Variants in SPAG9 observed in about 807,000 individuals in gnomAD.
SPAG9 encodes the protein sperm associated antigen 9, also known as C-Jun-amino-terminal kinase-interacting protein 4.
In SPAG9, 35 loss-of-function variants were observed where a neutral mutation model predicts 166.5. The ratio of observed to expected loss-of-function variants is 0.21; its 90% CI spans 0.16 to 0.28. SPAG9 has a LOEUF of 0.28. Among genes scored for constraint, SPAG9 ranks in the 10% least tolerant of loss-of-function variants. The pLI is 1.00. For missense variants in SPAG9, 1,235 were observed against 1,603.3 expected (o/e 0.77, Z 3.92); for synonymous variants, 534 against 565.5 (o/e 0.94, Z 0.79).
chr17:50,990,701 A>C lies in SPAG9; in HGVS notation c.2399-33T>G, dbSNP rs1327182305. ...ATAAATCTTCTTGTAACAGCAAAGTAAACTTCTATAAATAACATTTTTTTT... is the reference window on the plus strand; with the variant it reads ...ATAAATCTTCTTGTAACAGCAAAGTCAACTTCTATAAATAACATTTTTTTT... On this transcript the variant is annotated intron_variant, in intron 19 of 29. Coordinates refer to ENST00000262013, the MANE Select transcript of SPAG9 (RefSeq NM_001130528.3). 1.9e-6 allele frequency: 3 copies of C among 1,540,490 alleles called. No homozygotes were observed. The South Asian group carries it at 3.4e-5, about 17-fold the overall frequency.
chr17:51,096,008 T>TATATATATAGTGATATATATATATAGTG (rs1568084060), intron 1 of SPAG9, among the ~76,000 whole-genome samples: 3 of 71,612 alleles, frequency 4.2e-5, no homozygotes, highest in Non-Finnish European at 5.8e-5. Context: ...TATATAGTGA[T>TATATATATAGTGATATATATATATAGTG]ATATATATAT....
chr17:51,082,879 G>C (rs893066121), intron 1 of SPAG9, among the ~76,000 whole-genome samples: 9 of 152,106 alleles, frequency 5.9e-5, no homozygotes, highest in African/African-American at 9.7e-5. Context: ...TTCATGCTAA[G>C]TATATTCAGT....
At chr17:51,034,916 CAACT>C (rs1376989570) in intron 5 of SPAG9, among the ~76,000 whole-genome samples, 5 of 152,076 alleles carry the variant, frequency 3.3e-5, no homozygotes, top group African/African-American at 1.2e-4. Flanking sequence ...TTCTACAAAA[CAACT>C]AACCAGTACT....
At chr17:50,982,791 T>G (rs547364331) in intron 24 of SPAG9, 119 bp from the exon 25 acceptor site, 1 of 875,766 alleles carries the variant, frequency 1.1e-6, no homozygotes, top group South Asian at 1.9e-5. Context: ...AAGTACCATG[T>G]ACTAAGTATA....
At chr17:51,089,446 A>C (rs2048389159) in intron 1 of SPAG9, among the ~76,000 whole-genome samples, 1 of 150,894 alleles carries the variant, frequency 6.6e-6, no homozygotes, top group African/African-American at 2.4e-5. Flanking sequence ...AAAACAAACA[A>C]ACAAAAAAGA....
chr17:51,053,849 A>T (rs867391559), intron 3 of SPAG9, among the ~76,000 whole-genome samples: 40 of 69,714 alleles, frequency 5.7e-4, no homozygotes, highest in African/African-American at 2.1e-3. Flanking sequence ...AAAAAAAAAA[A>T]AAAAAGTATA....
chr17:51,083,379 T>G (rs1019926536), intron 1 of SPAG9, among the ~76,000 whole-genome samples: 11 of 151,410 alleles, frequency 7.3e-5, no homozygotes, highest in Non-Finnish European at 1.6e-4. Flanking sequence ...GGATTACAGG[T>G]GCCTGCCACC....
At chr17:51,029,672 AAC>A (rs1231140522) in intron 6 of SPAG9, among the ~76,000 whole-genome samples, 1 of 152,258 alleles carries the variant, frequency 6.6e-6, no homozygotes, top group Non-Finnish European at 1.5e-5. Flanking sequence ...CAAAAAGACA[AAC>A]ACTACATAAT....
At chr17:51,040,355 G>A (rs936161376) in intron 5 of SPAG9, 1 of 151,958 alleles carries the variant, frequency 6.6e-6, no homozygotes, top group African/African-American at 2.4e-5. Context: ...AGGGAGAAAA[G>A]GTAAGGTAAC....
chr17:51,049,207 T>C (rs1409553831), intron 3 of SPAG9, among the ~76,000 whole-genome samples: 4 of 151,526 alleles, frequency 2.6e-5, no homozygotes, highest in Middle Eastern at 3.4e-3. Flanking sequence ...ACACCAGCTC[T>C]AGAAAAAAAA....
rs1189570770 is a variant in SPAG9, at chr17:51,077,053, G to GCTAGCTATCTAGCTAGCTAT, written c.424+2511_424+2530dup. 1.2e-3 allele frequency among the ~76,000 whole-genome samples: 137 copies of GCTAGCTATCTAGCTAGCTAT among 113,218 alleles called. 5 individuals are homozygous for GCTAGCTATCTAGCTAGCTAT. Among genetic ancestry groups the GCTAGCTATCTAGCTAGCTAT allele is most frequent in the Middle Eastern group, 4.2e-3 (1 of 236 alleles). The allele number at this position is 113,218 out of a possible 152,430, so 74.3% of individuals were successfully genotyped here. A position where few individuals can be genotyped will look rare whatever the true frequency, so the allele number is the denominator to read the frequency against. ...ATCTATCTAGCTATCTAGCTATCTA[G>GCTAGCTATCTAGCTAGCTAT]CTAGCTATCTAGCTAGCTATCTAGC... On this transcript the variant is annotated intron_variant, in intron 2 of 29. Coordinates refer to ENST00000262013, the MANE Select transcript of SPAG9 (RefSeq NM_001130528.3).
Position 50,966,116 on chromosome 17 carries a change from G to A in SPAG9, c.*156C>T, listed in dbSNP as rs1452513771. 1 of 636,984 alleles carries A rather than the reference G, an allele frequency of 1.6e-6. No individual in the cohort carries two copies. The highest frequency in any genetic ancestry group is 1.8e-5 in the African/African-American group (1 of 55,204). The allele number at this position is 636,984 out of a possible 1,614,324, so 39.5% of individuals were successfully genotyped here. ...CAGCTAGTTCCTCTGTATTGTTATG[G>A]TAGAACGGATTTTGTAATATAAAGT... On this transcript the variant is annotated 3_prime_UTR_variant, in exon 30 of 30. Transcript: ENST00000262013.
chr17:51,077,057 G>GCTATCTAGCTATCTAGCTAGCTAT (rs2048022462), intron 2 of SPAG9, among the ~76,000 whole-genome samples: 2 of 126,884 alleles, frequency 1.6e-5, no homozygotes, highest in African/African-American at 2.9e-5. Flanking sequence ...TATCTAGCTA[G>GCTATCTAGCTATCTAGCTAGCTAT]CTATCTAGCT....
chr17:51,049,491 C>T (rs1339501780), intron 3 of SPAG9, among the ~76,000 whole-genome samples: 1 of 151,910 alleles, frequency 6.6e-6, no homozygotes, highest in African/African-American at 2.4e-5. Context: ...ACCTGAGCAA[C>T]ACAGGGAGAC....
chr17:51,050,433 C>A (rs1288083551), intron 3 of SPAG9, among the ~76,000 whole-genome samples: 1 of 152,214 alleles, frequency 6.6e-6, no homozygotes, highest in Non-Finnish European at 1.5e-5. Flanking sequence ...CAATGACTAA[C>A]TTTTCAAGTT....
At chr17:51,023,463 G>A in intron 6 of SPAG9, 1 of 169,170 alleles carries the variant, frequency 5.9e-6, no homozygotes, top group Non-Finnish European at 1.3e-5. Context: ...ACAAATAGAA[G>A]TAATTTAAAA....
chr17:51,120,548 G>T lies in SPAG9; in HGVS notation c.109C>A (p.Arg37=). 6.2e-7 allele frequency: 1 copy of T among 1,613,786 alleles called. No individual in the cohort carries two copies. The highest frequency in any genetic ancestry group is 8.5e-7 in the Non-Finnish European group (1 of 1,179,838). ...LAGSIYREFE[R]LIGRYDEEVV... Reference sequence around the variant, plus strand: ...TCCTCGTCATAGCGCCCGATAAGCCGCTCGAACTCGCGGTAGATGGAGCCG... The same window carrying T: ...TCCTCGTCATAGCGCCCGATAAGCCTCTCGAACTCGCGGTAGATGGAGCCG... Residue 37 remains arginine, a synonymous_variant, in exon 1 of 30, where the codon CGG becomes AGG. Coordinates refer to ENST00000262013, the MANE Select transcript of SPAG9 (RefSeq NM_001130528.3). This position sits in a 1 kb window ranked among gnomAD's most constrained non-coding sequence, Gnocchi z 4.7.
intron 6 of SPAG9, among the ~76,000 whole-genome samples, chr17:51,023,827 A>G (rs1263779950): frequency 1.3e-5 from 2 of 151,948 alleles, no homozygotes; most frequent in African/African-American, 2.4e-5. Flanking sequence ...ACCATGCCCC[A>G]CTAATTTTTT....
chr17:51,092,015 G>T (rs530881339), intron 1 of SPAG9, among the ~76,000 whole-genome samples: 3 of 149,570 alleles, frequency 2.0e-5, no homozygotes, highest in African/African-American at 2.5e-5. Context: ...TTCCCTAAAG[G>T]TTGTTGCTTG....
Sources: allele counts gnomAD v4.1 joint callset (sites outside exome capture counted in the v4.1 genomes callset), GRCh38; gene constraint gnomAD v4.1.1; non-coding constraint Gnocchi (gnomAD v3.1); transcripts MANE v1.5; gene names NCBI Gene and HGNC (gene_info 2026-07-23, HGNC 2026-07-21).